CLCN6: variants seen among roughly 807,000 people sequenced by gnomAD.
CLCN6 encodes the protein Cl-/H+ antiporter 6, also known as H(+)/Cl(-) exchange transporter 6.
A neutral mutation model predicts 109.8 loss-of-function variants in CLCN6; 70 were observed. That is an observed-to-expected ratio of 0.64 (90% confidence interval 0.53 to 0.78). The LOEUF (loss-of-function observed/expected upper bound fraction) is 0.78, where lower values mean the gene tolerates loss of function less well. Among genes scored for constraint, CLCN6 ranks in the 30% least tolerant of loss-of-function variants. The probability of loss-of-function intolerance (pLI) is 0.00; values close to 1 mark genes in which losing one functional copy is unlikely to be tolerated. For synonymous variants in CLCN6, 444 were observed against 447.8 expected, an observed-to-expected ratio of 0.99 and a Z score of 0.11; for missense variants, 984 against 1,142.3, an observed-to-expected ratio of 0.86 and a Z score of 2.00.
chr1:11,823,020 G>A (rs1040242030), intron 6 of CLCN6, among the ~76,000 whole-genome samples: 4 of 152,080 alleles, frequency 2.6e-5, no homozygotes, highest in Admixed American at 1.3e-4. Context: ...GATTCTGGGG[G>A]GAGGAAAAAA....
rs761094480 is a variant in CLCN6, at chr1:11,829,339, T to A, written c.1248+17T>A. On this transcript the variant is annotated intron_variant, in intron 13 of 22. Transcript: ENST00000346436. ...CAGCTCCAGGTAACCCCAGTGCACC[T>A]GCTACCTTTATCCCATACCACGAGG... 2 of 1,613,874 alleles carry A rather than the reference T, an allele frequency of 1.2e-6. No homozygotes were observed.
chr1:11,806,312 G>A lies in CLCN6; in HGVS notation c.50G>A (p.Cys17Tyr), dbSNP rs770543299. 1 of 1,513,598 alleles carries A rather than the reference G, an allele frequency of 6.6e-7. No individual in the cohort carries two copies. The highest frequency in any genetic ancestry group is 8.7e-7 in the Non-Finnish European group (1 of 1,143,228). 93.8% of individuals were successfully genotyped at this position (1,513,598 alleles called of 1,614,324 possible). The change falls in exon 1 of 23, where the codon TGC becomes TAC. Residue 17 changes from cysteine (C) to tyrosine (Y), a missense_variant. By Grantham distance (194) the Cys-to-Tyr change is radical. Coordinates refer to ENST00000346436, the MANE Select transcript of CLCN6 (RefSeq NM_001286.5). ...SLCCCCRWCCCCGERETRTPE... is the reference protein window; with the variant it reads ...SLCCCCRWCCYCGERETRTPE... ...TGCTGCTGCTGCAGGTGGTGCTGCT[G>A]CTGCGGTGAGCGTGAGACCCGCACC...
chr1:11,837,416 C>T lies in CLCN6; in HGVS notation c.2212C>T (p.Pro738Ser). Residue 738 changes from proline (P) to serine (S), a missense_variant, in exon 20 of 23, where the codon CCT (proline) becomes TCT (serine). Pro to Ser is a moderately conservative substitution (Grantham distance 74, BLOSUM62 -1). Coordinates refer to ENST00000346436, the MANE Select transcript of CLCN6 (RefSeq NM_001286.5). ...CTGGACCATGGAGGAGCGGTTCCGC[C>T]CTCTGACCTTCCACGGCCTGATCCT... is the stretch of plus-strand genomic sequence containing the variant. The part of the protein sequence containing the change: ...EDWTMEERFR[P>S]LTFHGLILRS... The T allele has an allele frequency of 6.2e-7, 1 of 1,614,184 alleles. No homozygotes were observed. Among genetic ancestry groups the T allele is most frequent in the Non-Finnish European group, 8.5e-7 (1 of 1,180,004 alleles).
At chr1:11,827,262 G>A (rs772121616) in intron 10 of CLCN6, 41 bp downstream of exon 10, 46 of 1,585,492 alleles carry the variant, frequency 2.9e-5, no homozygotes, top group South Asian at 2.4e-4. Flanking sequence ...CACACCCCCC[G>A]AATTACACTG....
intron 17 of CLCN6, 31 bp from the exon 18 acceptor site, chr1:11,835,935 AT>A (rs1407034244): frequency 6.2e-7 from 1 of 1,600,698 alleles, no homozygotes; most frequent in Admixed American, 1.7e-5. Context: ...GGGCACTGTC[AT>A]GAGGCTGGAT....
At chr1:11,829,126 G>A (rs2100643895) in intron 12 of CLCN6, 70 bp from the exon 13 acceptor site, 2 of 1,583,020 alleles carry the variant, frequency 1.3e-6, no homozygotes, top group East Asian at 2.2e-5. Flanking sequence ...GGTAGGCAGG[G>A]TTATGTTTTG....
intron 12 of CLCN6, among the ~76,000 whole-genome samples, chr1:11,828,975 GA>G (rs1644847600): frequency 6.6e-6 from 1 of 152,228 alleles, no homozygotes; most frequent in South Asian, 2.1e-4. Flanking sequence ...GGAGAGAGAT[GA>G]TGTGGACGTA....
At position 11,834,550 on chromosome 1, in the gene CLCN6, G is replaced by A. The variant is rs781013282; in HGVS notation, c.1753G>A (p.Val585Met). Residue 585 changes from valine (V) to methionine (M), a missense_variant, in exon 17 of 23, where the codon GTG becomes ATG. Val to Met is a conservative substitution (Grantham distance 21). Transcript: ENST00000346436. This position sits in a 1 kb window ranked among gnomAD's most constrained non-coding sequence, Gnocchi z 4.5. ...IYDIHVGLRG[V>M]PLLEWETEVE... Reference sequence around the variant, plus strand: ...TGATATCCACGTGGGCCTGCGAGGCGTGCCGCTTCTGGAATGGGAGACAGA... The same window carrying A: ...TGATATCCACGTGGGCCTGCGAGGCATGCCGCTTCTGGAATGGGAGACAGA... 24 of 1,614,018 alleles carry A rather than the reference G, an allele frequency of 1.5e-5. No homozygotes were observed. Among genetic ancestry groups the A allele is most frequent in the Non-Finnish European group, 1.7e-5 (20 of 1,180,040 alleles).
At chr1:11,823,294 TA>T (rs942043920) in intron 6 of CLCN6, among the ~76,000 whole-genome samples, 2 of 130,002 alleles carry the variant, frequency 1.5e-5, no homozygotes, top group Non-Finnish European at 3.3e-5. Context: ...CTGTCTCTAG[TA>T]AAAATACAAA....
chr1:11,830,795 C>T lies in CLCN6; in HGVS notation c.1248+1473C>T, dbSNP rs1415714301. On this transcript the variant is annotated intron_variant, in intron 13 of 22. Coordinates refer to ENST00000346436, the MANE Select transcript of CLCN6 (RefSeq NM_001286.5). ...CACACACTATATATACACACACACA[C>T]ACACACACACACACACACAAACACA... 1.2e-3 allele frequency among the ~76,000 whole-genome samples: 158 copies of T among 137,358 alleles called. 1 individual carries two copies. The highest frequency in any genetic ancestry group is 1.7e-3 in the Non-Finnish European group (110 of 65,424). 90.1% of individuals were successfully genotyped at this position (137,358 alleles called of 152,430 possible).
At chr1:11,825,824 C>T (rs951917046) in intron 8 of CLCN6, among the ~76,000 whole-genome samples, 23 of 152,164 alleles carry the variant, frequency 1.5e-4, no homozygotes, top group African/African-American at 4.3e-4. Context: ...GGTTTTGCCA[C>T]GTTGGCCAGG....
At position 11,823,006 on chromosome 1, in the gene CLCN6, T is replaced by C. The variant is rs151245413; in HGVS notation, c.453+205T>C. On this transcript the variant is annotated intron_variant, in intron 6 of 22. Transcript: ENST00000346436. Reference sequence around the variant, plus strand: ...GTGATGCTCATTCACAGGGAACTTGTACAGATTCTGGGGGGAGGAAAAAAG... The same window carrying C: ...GTGATGCTCATTCACAGGGAACTTGCACAGATTCTGGGGGGAGGAAAAAAG... Among the ~76,000 whole-genome samples, 3 of 152,136 alleles carry C rather than the reference T, an allele frequency of 2.0e-5. No individual in the cohort carries two copies. The East Asian group carries it at 5.8e-4, about 29-fold the overall frequency.
In CLCN6 at chr1:11,826,139, C is replaced by A. The variant is rs751259525; in HGVS notation, c.649-17C>A. 1 of 1,606,246 alleles carries A rather than the reference C, an allele frequency of 6.2e-7. No homozygotes were observed. ...TATGAGTAGGCTCTTTAGTGGCTCT[C>A]TTTTCTCTTGCTTTAGTTTCAGAGC... On this transcript the variant is annotated splice_polypyrimidine_tract_variant and intron_variant, in intron 8 of 22. Transcript: ENST00000346436.
At chr1:11,812,871 T>C (rs1042614689) in intron 2 of CLCN6, among the ~76,000 whole-genome samples, 1 of 152,188 alleles carries the variant, frequency 6.6e-6, no homozygotes, top group Non-Finnish European at 1.5e-5. Context: ...AACACAGTTG[T>C]CTTTGATCCC....
At chr1:11,833,806 C>G in intron 14 of CLCN6, 71 bp from the exon 15 acceptor site, 1 of 1,565,468 alleles carries the variant, frequency 6.4e-7, no homozygotes, top group Non-Finnish European at 8.6e-7. Context: ...GGGGTGTGGT[C>G]GGGCCCGGTA....
At chr1:11,828,833 CCCTGCCTGT>C (rs1644845868) in intron 12 of CLCN6, among the ~76,000 whole-genome samples, 1 of 152,198 alleles carries the variant, frequency 6.6e-6, no homozygotes, top group Non-Finnish European at 1.5e-5. Context: ...CTGGTTGACT[CCCTGCCTGT>C]CCTGACTTGG....
At chr1:11,816,813 CATT>C (rs1251654860) in intron 4 of CLCN6, 133 bp downstream of exon 4, 3 of 547,372 alleles carry the variant, frequency 5.5e-6, no homozygotes, top group Non-Finnish European at 9.2e-6. Context: ...TAACACTTGT[CATT>C]ATAATCAAGA....
intron 22 of CLCN6, among the ~76,000 whole-genome samples, chr1:11,839,402 C>G (rs1295742748): frequency 5.3e-5 from 8 of 152,206 alleles, no homozygotes; most frequent in Admixed American, 5.2e-4. Flanking sequence ...GCTGGGACCA[C>G]AGGCATGCGC....
At position 11,807,181 on chromosome 1, in the gene CLCN6, A is replaced by G; in HGVS notation, c.138A>G (p.Lys46=). 6.2e-7 allele frequency: 1 copy of G among 1,614,148 alleles called. No homozygotes were observed. The highest frequency in any genetic ancestry group is 1.3e-5 in the African/African-American group (1 of 75,064). The change falls in exon 2 of 23, where the codon AAA becomes AAG. Residue 46 remains lysine, a synonymous_variant. Transcript: ENST00000346436. Reference sequence around the variant, plus strand: ...AGGAGGATGAGATTCTTCCAAGGAAAGACTATGAGGTGAGCTCCTTTGATA... The same window carrying G: ...AGGAGGATGAGATTCTTCCAAGGAAGGACTATGAGGTGAGCTCCTTTGATA... ...QEEEDEILPR[K]DYESLDYDRC... is the part of the protein sequence containing the mutation.
Sources: allele counts gnomAD v4.1 joint callset (sites outside exome capture counted in the v4.1 genomes callset), GRCh38; gene constraint gnomAD v4.1.1; non-coding constraint Gnocchi (gnomAD v3.1); transcripts MANE v1.5; gene names NCBI Gene and HGNC (gene_info 2026-07-23, HGNC 2026-07-21).